The following DPYD variants were observed in gnomAD, a reference collection of about 807,000 sequenced individuals.
DPYD encodes dihydropyrimidine dehydrogenase, also known as dihydropyrimidine dehydrogenase [NADP(+)].
DPYD carries 109 observed loss-of-function variants against 116.2 expected under a neutral mutation model. That is an observed-to-expected ratio of 0.94 (90% CI 0.80 to 1.10). DPYD has a LOEUF of 1.10. Ranked by LOEUF, DPYD falls within the 50% of genes least tolerant of loss-of-function variation. The pLI is 0.00. For missense variants in DPYD, 1,302 were observed against 1,254.5 expected (o/e 1.04, Z -0.57); for synonymous variants, 440 against 432.0 (o/e 1.02, Z -0.23).
In DPYD at chr1:97,704,258, T is replaced by C. The variant is rs186270133; in HGVS notation, c.484-4711A>G. Among the ~76,000 whole-genome samples the C allele has an allele frequency of 1.0e-3, 153 of 152,028 alleles. 1 individual carries two copies. The highest frequency in any genetic ancestry group is 3.2e-3 in the African/African-American group (132 of 41,492). ...AGCCAAATAAATAGCTCCAAAAATA[T>C]TTTGTGGGTGAATGGGGGGTAGTGA... is the stretch of plus-strand genomic sequence containing the variant. On this transcript the variant is annotated intron_variant, in intron 5 of 22. Coordinates refer to ENST00000370192, the MANE Select transcript of DPYD (RefSeq NM_000110.4).
chr1:97,305,140 G>A, intron 18 of DPYD, 119 bp downstream of exon 18: 4 of 1,405,944 alleles, frequency 2.8e-6, no homozygotes, highest in Non-Finnish European at 4.0e-6. Flanking sequence ...TAGGAATATT[G>A]ATCAGCTATG....
intron 20 of DPYD, among the ~76,000 whole-genome samples, chr1:97,162,490 G>C (rs539013036): frequency 1.6e-3 from 242 of 152,226 alleles, no homozygotes; most frequent in African/African-American, 5.5e-3. Flanking sequence ...AGGATACAAA[G>C]AGATGGAAGA....
chr1:97,551,368 T>A (rs1651308635), intron 11 of DPYD, among the ~76,000 whole-genome samples: 1 of 152,122 alleles, frequency 6.6e-6, no homozygotes. Flanking sequence ...TGCAAGAAAG[T>A]CAATAGTGAG....
intron 13 of DPYD, among the ~76,000 whole-genome samples, chr1:97,464,926 T>C (rs903287722): frequency 6.6e-6 from 1 of 152,044 alleles, no homozygotes; most frequent in Non-Finnish European, 1.5e-5. Flanking sequence ...CTCCGACAGC[T>C]TGCACCATGC....
chr1:97,235,133 T>C (rs1274690413), intron 18 of DPYD, 139 bp from the exon 19 acceptor site: 1 of 949,204 alleles, frequency 1.1e-6, no homozygotes, highest in East Asian at 2.5e-5. Flanking sequence ...AAGATGTATA[T>C]ACATATGTAG....
intron 18 of DPYD, among the ~76,000 whole-genome samples, chr1:97,285,456 C>G (rs975477915): frequency 6.6e-6 from 1 of 152,078 alleles, no homozygotes; most frequent in Non-Finnish European, 1.5e-5. Flanking sequence ...AAATCTGAAC[C>G]ACTTATTACA....
intron 20 of DPYD, among the ~76,000 whole-genome samples, chr1:97,129,769 G>T (rs1653135375): frequency 6.6e-6 from 1 of 152,078 alleles, no homozygotes; most frequent in Non-Finnish European, 1.5e-5. Flanking sequence ...TCCTATTGTA[G>T]CATTTTTATT....
At chr1:97,306,638 G>C (rs988534048) in intron 16 of DPYD, among the ~76,000 whole-genome samples, 1 of 151,796 alleles carries the variant, frequency 6.6e-6, no homozygotes, top group African/African-American at 2.4e-5. Context: ...TTAAGTACAA[G>C]AAACATTACA....
chr1:97,173,324 A>G (rs542142179), intron 20 of DPYD, among the ~76,000 whole-genome samples: 22 of 137,732 alleles, frequency 1.6e-4, no homozygotes, highest in South Asian at 1.3e-3. Flanking sequence ...ACACATATAT[A>G]CACATATATG....
intron 3 of DPYD, among the ~76,000 whole-genome samples, chr1:97,823,129 CTTTT>C (rs890468688): frequency 6.6e-6 from 1 of 151,906 alleles, no homozygotes; most frequent in South Asian, 2.1e-4. Context: ...AAACACTTGT[CTTTT>C]TTTGTTTGTT....
intron 19 of DPYD, among the ~76,000 whole-genome samples, chr1:97,234,608 T>A (rs1013654288): frequency 3.3e-5 from 5 of 152,124 alleles, no homozygotes; most frequent in Admixed American, 1.3e-4. Flanking sequence ...TATTTCAGGA[T>A]CACATGGGTG....
intron 13 of DPYD, among the ~76,000 whole-genome samples, chr1:97,496,531 G>A (rs942805074): frequency 2.0e-5 from 3 of 151,990 alleles, no homozygotes; most frequent in African/African-American, 7.2e-5. Context: ...TTATTATGTG[G>A]TTCCATTCTA....
intron 13 of DPYD, among the ~76,000 whole-genome samples, chr1:97,460,804 C>T (rs1027942728): frequency 1.3e-5 from 2 of 152,084 alleles, no homozygotes; most frequent in African/African-American, 2.4e-5. Context: ...TTTGGGAGAC[C>T]AAGGTGGGCG....
chr1:97,895,273 G>C lies in DPYD; in HGVS notation c.40-11899C>G, dbSNP rs982891200. ...CATTTACAAAAGACACTGCTCACAA[G>C]ACCAAGGGTTATTTTAGTTCAAAAG... On this transcript the variant is annotated intron_variant, in intron 1 of 22. Coordinates refer to ENST00000370192, the MANE Select transcript of DPYD (RefSeq NM_000110.4). 4.0e-5 allele frequency among the ~76,000 whole-genome samples: 6 copies of C among 151,804 alleles called. No individual in the cohort carries two copies. In the South Asian group the frequency reaches 8.3e-4, roughly 21 times the overall value.
intron 8 of DPYD, among the ~76,000 whole-genome samples, chr1:97,671,014 CA>C (rs1659833062): frequency 6.6e-6 from 1 of 151,454 alleles, no homozygotes; most frequent in Admixed American, 6.6e-5. Context: ...AAGATAAACA[CA>C]AAGAAGGTAA....
chr1:97,247,254 A>G (rs1267406382), intron 18 of DPYD, among the ~76,000 whole-genome samples: 1 of 152,218 alleles, frequency 6.6e-6, no homozygotes, highest in Non-Finnish European at 1.5e-5. Flanking sequence ...TATTAAAAAG[A>G]GCATATGATC....
chr1:97,187,728 G>A (rs6700957), intron 20 of DPYD, among the ~76,000 whole-genome samples: 108,737 of 151,962 alleles, frequency 0.72, 40,121 homozygotes, highest in East Asian at 0.99. Flanking sequence ...TCTTTGATGG[G>A]TTTTGAGGGG....
In DPYD at chr1:97,812,978, G is replaced by A. The variant is rs1373049665; in HGVS notation, c.233+15136C>T. 6.6e-5 allele frequency among the ~76,000 whole-genome samples: 10 copies of A among 152,016 alleles called. No homozygotes were observed. In the South Asian group the frequency reaches 1.5e-3, roughly 22 times the overall value. On this transcript the variant is annotated intron_variant, in intron 3 of 22. Coordinates refer to ENST00000370192, the MANE Select transcript of DPYD (RefSeq NM_000110.4). The stretch of plus-strand genomic sequence containing the variant: ...TTTCAGATGAACAGATTATAATCCC[G>A]AGTAAATATGAAATGCAGGACAAGT...
chr1:97,145,242 A>G lies in DPYD; in HGVS notation c.2623-46610T>C, dbSNP rs1654528461. ...GCATATTAAAATGTATATTAGCCTCAAGGTGCATAAACACAAAATAATAGA... is the reference window on the plus strand; with the variant it reads ...GCATATTAAAATGTATATTAGCCTCGAGGTGCATAAACACAAAATAATAGA... On this transcript the variant is annotated intron_variant, in intron 20 of 22. Coordinates refer to ENST00000370192, the MANE Select transcript of DPYD (RefSeq NM_000110.4). Among the ~76,000 whole-genome samples, 7 of 152,168 alleles carry G rather than the reference A, an allele frequency of 4.6e-5. 1 individual carries two copies. Among genetic ancestry groups the G allele is most frequent in the Admixed American group, 4.6e-4 (7 of 15,266 alleles).
Sources: allele counts gnomAD v4.1 joint callset (sites outside exome capture counted in the v4.1 genomes callset), GRCh38; gene constraint gnomAD v4.1.1; transcripts MANE v1.5; gene names NCBI Gene and HGNC (gene_info 2026-07-23, HGNC 2026-07-21).